The following MLLT10 variants were observed in gnomAD, a reference collection of about 807,000 sequenced individuals.
MLLT10 encodes the protein protein AF-10.
MLLT10 carries 30 observed loss-of-function variants against 129.1 expected under a neutral mutation model. The observed-to-expected ratio is 0.23, with a 90% CI of 0.17 to 0.32. The LOEUF (loss-of-function observed/expected upper bound fraction) is 0.32, where lower values mean the gene tolerates loss of function less well. MLLT10 is among the 10% of genes least tolerant of loss of function. The probability of loss-of-function intolerance (pLI) is 1.00; values close to 1 mark genes in which losing one functional copy is unlikely to be tolerated. For synonymous variants in MLLT10, 490 were observed against 446.4 expected, an observed-to-expected ratio of 1.10 and a Z score of -1.23; for missense variants, 1,119 against 1,268.3, an observed-to-expected ratio of 0.88 and a Z score of 1.79.
Position 21,585,778 on chromosome 10 carries a change from T to C in MLLT10, c.241-516T>C, listed in dbSNP as rs186220261. ...TGGCAGGAGTTTTGTTTTGTTTCTTTTAGTTGGAGTTTCGTTTTTGTTGCC... is the reference window on the plus strand; with the variant it reads ...TGGCAGGAGTTTTGTTTTGTTTCTTCTAGTTGGAGTTTCGTTTTTGTTGCC... On this transcript the variant is annotated intron_variant, in intron 3 of 22. Transcript: ENST00000307729. Among the ~76,000 whole-genome samples, 7 of 152,300 alleles carry C rather than the reference T, an allele frequency of 4.6e-5. No homozygotes were observed. The East Asian group carries it at 1.3e-3, about 29-fold the overall frequency.
chr10:21,642,607 A>G (rs1293374103), intron 8 of MLLT10, among the ~76,000 whole-genome samples: 2 of 151,392 alleles, frequency 1.3e-5, no homozygotes, highest in East Asian at 1.9e-4. Flanking sequence ...CAGTGAGCCA[A>G]GATTGAGCCA....
At chr10:21,683,536 G>C (rs1158744976) in intron 13 of MLLT10, among the ~76,000 whole-genome samples, 1 of 152,160 alleles carries the variant, frequency 6.6e-6, no homozygotes, top group Non-Finnish European at 1.5e-5. Context: ...GGGATTAAAA[G>C]AAAGTAGACA....
At chr10:21,704,357 C>CTCTCTATA (rs1343170893) in intron 13 of MLLT10, among the ~76,000 whole-genome samples, 6 of 111,876 alleles carry the variant, frequency 5.4e-5, no homozygotes, top group Admixed American at 9.3e-5. Flanking sequence ...CTCTCTCTCT[C>CTCTCTATA]TATATATATA....
chr10:21,568,718 A>T (rs1253354327), intron 3 of MLLT10, among the ~76,000 whole-genome samples: 1 of 151,860 alleles, frequency 6.6e-6, no homozygotes, highest in Admixed American at 6.6e-5. Context: ...GCTCACTGCA[A>T]ACTCCGCCTC....
At chr10:21,608,499 A>T (rs1368748749) in intron 5 of MLLT10, among the ~76,000 whole-genome samples, 2 of 151,998 alleles carry the variant, frequency 1.3e-5, no homozygotes, top group Admixed American at 1.3e-4. Flanking sequence ...TTTAATGTGA[A>T]TCTCTTTGTT....
chr10:21,556,558 T>G, intron 3 of MLLT10: 2 of 1,052,098 alleles, frequency 1.9e-6, no homozygotes, highest in Non-Finnish European at 2.7e-6. Flanking sequence ...TCTAGGAAAT[T>G]AAGCTTTGCA....
chr10:21,622,177 A>C (rs554949723), intron 8 of MLLT10, among the ~76,000 whole-genome samples: 1 of 78,418 alleles, frequency 1.3e-5, no homozygotes, highest in Non-Finnish European at 2.3e-5. Flanking sequence ...TTTTTTTTTG[A>C]GATGAAGTAT....
chr10:21,670,506 A>T lies in MLLT10; in HGVS notation c.853A>T (p.Thr285Ser), dbSNP rs572415276. 6.2e-7 allele frequency: 1 copy of T among 1,614,016 alleles called. No individual in the cohort carries two copies. The highest frequency in any genetic ancestry group is 1.3e-5 in the African/African-American group (1 of 74,944). The change falls in exon 10 of 23, where the codon ACT becomes TCT. Residue 285 changes from threonine to serine, a missense_variant. By Grantham distance (58) the Thr-to-Ser change is moderately conservative. Around this residue, in one of 5 missense-constraint regions of MLLT10, gnomAD observed 1,004 missense variants for 1,008.7 expected, o/e 1.00. Coordinates refer to ENST00000307729, the MANE Select transcript of MLLT10 (RefSeq NM_001195626.3). ...ISGSLKRLED[T>S]TARFTNANFQ... is the part of the protein sequence containing the mutation. ...TGGATCATTGAAGCGCTTGGAAGAT[A>T]CTACTGCACGATTTACAAATGCAAA...
intron 3 of MLLT10, among the ~76,000 whole-genome samples, chr10:21,563,869 G>A (rs898519306): frequency 1.3e-5 from 2 of 151,462 alleles, no homozygotes; most frequent in African/African-American, 4.9e-5. Flanking sequence ...CTGGAGTGTG[G>A]TGGCGCGATC....
At chr10:21,717,885 CCTT>C (rs2056844784) in intron 14 of MLLT10, among the ~76,000 whole-genome samples, 1 of 146,562 alleles carries the variant, frequency 6.8e-6, no homozygotes, top group Non-Finnish European at 1.5e-5. Flanking sequence ...TTCTCCTCCT[CCTT>C]CTCCTCCTCC....
At chr10:21,652,846 G>A (rs1378789091) in intron 9 of MLLT10, among the ~76,000 whole-genome samples, 1 of 152,124 alleles carries the variant, frequency 6.6e-6, no homozygotes, top group African/African-American at 2.4e-5. Flanking sequence ...AGAGATGGTG[G>A]TAAAAACAGA....
At chr10:21,727,745 A>C in intron 15 of MLLT10, 111 bp from the exon 16 acceptor site, 6 of 758,542 alleles carry the variant, frequency 7.9e-6, no homozygotes, top group Admixed American at 7.4e-5. Context: ...TGGGAACTGC[A>C]AAGATAGTGG....
At chr10:21,551,980 C>T (rs541949324) in intron 3 of MLLT10, 81 of 253,816 alleles carry the variant, frequency 3.2e-4, no homozygotes, top group African/African-American at 1.7e-3. Flanking sequence ...TTTTTAGAGA[C>T]GGAGTTTCAC....
At chr10:21,584,615 C>T (rs2131087060) in intron 3 of MLLT10, among the ~76,000 whole-genome samples, 1 of 152,084 alleles carries the variant, frequency 6.6e-6, no homozygotes, top group African/African-American at 2.4e-5. Flanking sequence ...CACCCGGCCT[C>T]ATTAGGCTTT....
At chr10:21,651,142 G>T (rs976370327) in intron 8 of MLLT10, among the ~76,000 whole-genome samples, 70 of 152,102 alleles carry the variant, frequency 4.6e-4, no homozygotes, top group African/African-American at 1.7e-3. Context: ...AACGATCTTG[G>T]CTCACCACAA....
chr10:21,592,959 C>T (rs1306990785), intron 4 of MLLT10, among the ~76,000 whole-genome samples: 1 of 152,110 alleles, frequency 6.6e-6, no homozygotes, highest in Non-Finnish European at 1.5e-5. Context: ...ATCTGCCTGC[C>T]TATTACATTT....
intron 8 of MLLT10, chr10:21,625,475 G>T: frequency 2.0e-6 from 2 of 1,017,850 alleles, no homozygotes; most frequent in Non-Finnish European, 1.6e-6. Context: ...TTCTTCACAG[G>T]GTCAGCCCAT....
intron 8 of MLLT10, among the ~76,000 whole-genome samples, chr10:21,629,567 C>G (rs1368391863): frequency 1.3e-5 from 2 of 152,172 alleles, no homozygotes; most frequent in African/African-American, 2.4e-5. Flanking sequence ...TGAGTCTAGC[C>G]TGAAATAAAT....
At chr10:21,668,100 A>G (rs1334303259) in intron 9 of MLLT10, among the ~76,000 whole-genome samples, 1 of 152,188 alleles carries the variant, frequency 6.6e-6, no homozygotes, top group African/African-American at 2.4e-5. Context: ...ATTTTTCAGT[A>G]GAGCACCAAA....
Sources: allele counts gnomAD v4.1 joint callset (sites outside exome capture counted in the v4.1 genomes callset), GRCh38; gene constraint gnomAD v4.1.1; regional missense constraint gnomAD v4.1.1; transcripts MANE v1.5; gene names NCBI Gene and HGNC (gene_info 2026-07-23, HGNC 2026-07-21).